Variants in WDR70 observed in about 807,000 individuals in gnomAD.
WDR70 encodes WD repeat domain 70.
WDR70 carries 53 observed loss-of-function variants against 88.6 expected under a neutral mutation model. That is an observed-to-expected ratio of 0.60 (90% CI 0.48 to 0.75). The LOEUF is 0.75. Among genes scored for constraint, WDR70 ranks in the 30% least tolerant of loss-of-function variants. WDR70 has a pLI of 0.00. For missense variants in WDR70, 610 were observed against 823.2 expected, an observed-to-expected ratio of 0.74 and a Z score of 3.17; for synonymous variants, 280 against 270.0, an observed-to-expected ratio of 1.04 and a Z score of -0.36.
intron 5 of WDR70, among the ~76,000 whole-genome samples, chr5:37,413,428 A>G (rs1259168586): frequency 6.6e-6 from 1 of 152,194 alleles, no homozygotes; most frequent in African/African-American, 2.4e-5. Context: ...TTAGATAAGT[A>G]ACAGAGATTC....
intron 10 of WDR70, among the ~76,000 whole-genome samples, chr5:37,643,483 A>G (rs944897316): frequency 2.0e-5 from 3 of 151,254 alleles, no homozygotes; most frequent in African/African-American, 4.8e-5. Context: ...TTGTGGTTCC[A>G]TATAAATTTT....
chr5:37,667,421 A>G (rs1745886734), intron 10 of WDR70, among the ~76,000 whole-genome samples: 1 of 152,202 alleles, frequency 6.6e-6, no homozygotes, highest in Non-Finnish European at 1.5e-5. Flanking sequence ...TGCTGTTATT[A>G]TCATCATTAT....
chr5:37,419,617 C>T (rs1407287954), intron 5 of WDR70, among the ~76,000 whole-genome samples: 1 of 151,604 alleles, frequency 6.6e-6, no homozygotes, highest in African/African-American at 2.4e-5. Flanking sequence ...AGTTCGAGAC[C>T]AGCCAGGCCA....
chr5:37,499,859 C>T (rs1354339703), intron 8 of WDR70, among the ~76,000 whole-genome samples: 1 of 152,056 alleles, frequency 6.6e-6, no homozygotes, highest in African/African-American at 2.4e-5. Context: ...CTTTTCTGTT[C>T]ATTCACCTTG....
chr5:37,705,792 G>T (rs1057291807), intron 13 of WDR70, among the ~76,000 whole-genome samples: 1 of 152,118 alleles, frequency 6.6e-6, no homozygotes, highest in Non-Finnish European at 1.5e-5. Flanking sequence ...TTGCATAAAA[G>T]GCAGCATCTC....
intron 10 of WDR70, among the ~76,000 whole-genome samples, chr5:37,686,536 G>A (rs899738420): frequency 6.7e-6 from 1 of 149,912 alleles, no homozygotes; most frequent in African/African-American, 2.5e-5. Context: ...ATGACCAGCT[G>A]GGCAACAAAC....
intron 8 of WDR70, among the ~76,000 whole-genome samples, chr5:37,490,575 T>A (rs887089263): frequency 6.6e-6 from 1 of 151,960 alleles, no homozygotes; most frequent in Non-Finnish European, 1.5e-5. Flanking sequence ...AGGGTTGCTG[T>A]CTGTGGTACC....
intron 10 of WDR70, among the ~76,000 whole-genome samples, chr5:37,668,048 T>C (rs1581478485): frequency 6.6e-6 from 1 of 152,036 alleles, no homozygotes; most frequent in Non-Finnish European, 1.5e-5. Flanking sequence ...TCCCCTAATA[T>C]GATGATGTTA....
intron 5 of WDR70, among the ~76,000 whole-genome samples, chr5:37,408,887 G>A (rs1490351055): frequency 2.6e-5 from 4 of 152,080 alleles, no homozygotes; most frequent in Non-Finnish European, 5.9e-5. Context: ...TGGTACTAAT[G>A]CAATCTTTAA....
intron 10 of WDR70, among the ~76,000 whole-genome samples, chr5:37,674,821 A>G (rs1295871284): frequency 6.6e-5 from 10 of 151,652 alleles, no homozygotes; most frequent in African/African-American, 2.4e-4. Flanking sequence ...GACTTCCACA[A>G]TGGTTGAACT....
intron 15 of WDR70, 194 bp from the exon 16 acceptor site, chr5:37,724,740 G>A: frequency 1.7e-6 from 1 of 581,618 alleles, no homozygotes; most frequent in Non-Finnish European, 3.1e-6. Context: ...GCTGTTAGCT[G>A]CCAGGAGAGG....
chr5:37,448,791 G>A (rs539894877), intron 7 of WDR70, among the ~76,000 whole-genome samples: 26 of 151,486 alleles, frequency 1.7e-4, no homozygotes, highest in African/African-American at 6.1e-4. Flanking sequence ...TTTGGTCCTT[G>A]TATTTGTTTA....
At chr5:37,627,498 T>A (rs1244863871) in intron 10 of WDR70, among the ~76,000 whole-genome samples, 2 of 152,170 alleles carry the variant, frequency 1.3e-5, no homozygotes, top group African/African-American at 4.8e-5. Flanking sequence ...CATTTTCTAG[T>A]TCTTTGAGGT....
At chr5:37,707,718 C>A (rs1451558375) in intron 13 of WDR70, among the ~76,000 whole-genome samples, 1 of 150,906 alleles carries the variant, frequency 6.6e-6, no homozygotes, top group Non-Finnish European at 1.5e-5. Flanking sequence ...AGTTCAAGAC[C>A]AGCCTGTCCA....
At chr5:37,614,371 C>T (rs1005017221) in intron 10 of WDR70, among the ~76,000 whole-genome samples, 2 of 152,270 alleles carry the variant, frequency 1.3e-5, no homozygotes, top group Non-Finnish European at 2.9e-5. Flanking sequence ...AGGATAATCT[C>T]CCTATTTTAA....
intron 13 of WDR70, 144 bp from the exon 14 acceptor site, chr5:37,720,971 A>T: frequency 1.5e-6 from 1 of 679,870 alleles, no homozygotes; most frequent in Non-Finnish European, 2.5e-6. Context: ...ACACAACTTT[A>T]TGGTTTAAAA....
At chr5:37,622,396 A>G (rs373529821) in intron 10 of WDR70, among the ~76,000 whole-genome samples, 13 of 151,876 alleles carry the variant, frequency 8.6e-5, no homozygotes, top group South Asian at 4.2e-4. Context: ...TACTGGGTAT[A>G]TACCCAAAGG....
Position 37,751,851 on chromosome 5 carries a change from A to C in WDR70, c.1878-635A>C, listed in dbSNP as rs915170766. Among the ~76,000 whole-genome samples, 10 of 152,210 alleles carry C rather than the reference A, an allele frequency of 6.6e-5. No individual in the cohort carries two copies. In the South Asian group the frequency reaches 1.0e-3, roughly 16 times the overall value. ...TACGAAGCACAGAAAGTCTTTGTGC[A>C]GATTGCTTGAGGTGTGTGGCAGTAT... On this transcript the variant is annotated intron_variant, in intron 17 of 17. Coordinates refer to ENST00000265107, the MANE Select transcript of WDR70 (RefSeq NM_018034.4).
At chr5:37,405,337 T>TA (rs1219034456) in intron 5 of WDR70, among the ~76,000 whole-genome samples, 2 of 151,540 alleles carry the variant, frequency 1.3e-5, no homozygotes, top group Non-Finnish European at 2.9e-5. Flanking sequence ...ATAATATATA[T>TA]TTTTTTTGCC....
Sources: gnomAD v4.1 joint callset for allele counts (sites outside exome capture counted in the v4.1 genomes callset) on GRCh38, gnomAD v4.1.1 for gene constraint, MANE v1.5 for transcripts, NCBI Gene and HGNC (gene_info 2026-07-23, HGNC 2026-07-21) for gene names.